Variants in TPRX1 observed in about 807,000 individuals in gnomAD.
The protein encoded by TPRX1 is tetrapeptide repeat homeobox 1, also known as tetra-peptide repeat homeobox protein 1.
A neutral mutation model predicts 8.1 loss-of-function variants in TPRX1; 2 were observed. The ratio of observed to expected loss-of-function variants is 0.25; its 90% CI spans 0.10 to 0.78. TPRX1 has a LOEUF of 0.78. TPRX1 is among the 30% of genes least tolerant of loss of function. TPRX1 has a pLI of 0.70. For missense variants in TPRX1, 517 were observed against 586.9 expected, an observed-to-expected ratio of 0.88 and a Z score of 1.23; for synonymous variants, 257 against 254.1, an observed-to-expected ratio of 1.01 and a Z score of -0.11.
rs1967667182 is a variant in TPRX1, at chr19:47,801,879, C to T, written c.1423G>A (p.Gly475Arg). The stretch of plus-strand genomic sequence containing the variant: ...TGTTTTTTGCCCATAGAGTCATCCC[C>T]TTCTTGGTACTGAGAGGTCATGGTG... Residue 475 changes from glycine to arginine, a missense_variant, in exon 4 of 4, where the codon GGG becomes AGG. By Grantham distance (125) the Gly-to-Arg change is moderately radical. Around this residue, in one of 3 missense-constraint regions of TPRX1, gnomAD observed 506 missense variants for 515.5 expected, o/e 0.98. Transcript: ENST00000535759. 6 of 1,614,074 alleles carry T rather than the reference C, an allele frequency of 3.7e-6. No individual in the cohort carries two copies. In the South Asian group the frequency reaches 4.4e-5, roughly 12 times the overall value.
chr19:47,817,531 A>T (rs1310357614), intron 2 of TPRX1, among the ~76,000 whole-genome samples: 2 of 152,148 alleles, frequency 1.3e-5, no homozygotes, highest in African/African-American at 2.4e-5. Context: ...TGAGGCTGAG[A>T]GAGGTTTCGT....
At chr19:47,813,165 C>T (rs1043000945) in intron 2 of TPRX1, among the ~76,000 whole-genome samples, 3 of 130,902 alleles carry the variant, frequency 2.3e-5, no homozygotes, top group South Asian at 2.5e-4. Flanking sequence ...CAACCCCCCC[C>T]ACCCCGCCAA....
At chr19:47,808,922 T>C (rs1393094603) in intron 2 of TPRX1, among the ~76,000 whole-genome samples, 1 of 152,208 alleles carries the variant, frequency 6.6e-6, no homozygotes, top group Non-Finnish European at 1.5e-5. Context: ...AGCCTCAGAC[T>C]ATGGAATGCT....
intron 2 of TPRX1, among the ~76,000 whole-genome samples, chr19:47,805,440 G>T (rs1197555978): frequency 1.3e-5 from 2 of 152,156 alleles, no homozygotes; most frequent in Admixed American, 6.6e-5. Context: ...GGTCTACAGA[G>T]ATCGGATCCC....
intron 2 of TPRX1, among the ~76,000 whole-genome samples, chr19:47,813,857 C>T (rs147960852): frequency 9.6e-4 from 144 of 150,634 alleles, no homozygotes; most frequent in Admixed American, 2.5e-3. Flanking sequence ...GTGAGAGAGG[C>T]GTCGCTGGGG....
intron 3 of TPRX1, 141 bp from the exon 3 acceptor site, chr19:47,803,121 G>A: frequency 2.1e-6 from 2 of 962,964 alleles, no homozygotes; most frequent in Non-Finnish European, 3.0e-6. Flanking sequence ...AGAGGGCCCC[G>A]GCTCCAAGGC....
chr19:47,810,254 CAAAAAAAAAAA>C (rs767070353), intron 2 of TPRX1, among the ~76,000 whole-genome samples: 1 of 21,394 alleles, frequency 4.7e-5, no homozygotes, highest in Non-Finnish European at 8.2e-5. Context: ...GACTCCATCT[CAAAAAAAAAAA>C]AAAAAAAAAA....
rs373618845 is a variant in TPRX1, at chr19:47,818,015, T to C, written c.151+453A>G. On this transcript the variant is annotated intron_variant, in intron 2 of 3. Transcript: ENST00000535759. Reference sequence around the variant, plus strand: ...AGGGATTCATGGCACAGTTAGAGCCTGAATGAATTAACTCAGGAACAATAT... The same window carrying C: ...AGGGATTCATGGCACAGTTAGAGCCCGAATGAATTAACTCAGGAACAATAT... Among the ~76,000 whole-genome samples, 89 of 152,308 alleles carry C rather than the reference T, an allele frequency of 5.8e-4. 1 individual carries two copies. The highest frequency in any genetic ancestry group is 1.9e-3 in the African/African-American group (80 of 41,580).
intron 2 of TPRX1, among the ~76,000 whole-genome samples, chr19:47,807,202 G>A (rs1046424915): frequency 6.6e-6 from 1 of 151,732 alleles, no homozygotes; most frequent in Non-Finnish European, 1.5e-5. Context: ...CACCGCGCCC[G>A]GCCAAAACCA....
chr19:47,815,598 C>A (rs1228806153), intron 2 of TPRX1, among the ~76,000 whole-genome samples: 21 of 136,330 alleles, frequency 1.5e-4, no homozygotes, highest in Non-Finnish European at 1.4e-4. Context: ...CACTTGAGAT[C>A]AGGAGGTTGA....
chr19:47,805,812 A>C (rs1192006605), intron 2 of TPRX1, among the ~76,000 whole-genome samples: 1 of 152,242 alleles, frequency 6.6e-6, no homozygotes, highest in Non-Finnish European at 1.5e-5. Context: ...GAACAAGCTC[A>C]CTGGTACTAT....
chr19:47,817,150 T>C (rs1967851452), intron 2 of TPRX1, among the ~76,000 whole-genome samples: 1 of 152,148 alleles, frequency 6.6e-6, no homozygotes, highest in African/African-American at 2.4e-5. Context: ...CACCTTGTGG[T>C]GCAGACACAC....
At chr19:47,801,434 C>A in exon 4 of TPRX1, 1 of 224,790 alleles carries the variant, frequency 4.4e-6, no homozygotes, top group Non-Finnish European at 8.6e-6. Context: ...GATCGACAAA[C>A]ATTAAAAAGT....
intron 2 of TPRX1, among the ~76,000 whole-genome samples, chr19:47,816,817 C>T (rs1018935804): frequency 1.2e-4 from 19 of 152,188 alleles, no homozygotes; most frequent in Admixed American, 3.9e-4. Context: ...CAGGCGTGAG[C>T]CACCACGCCC....
intron 2 of TPRX1, among the ~76,000 whole-genome samples, chr19:47,807,025 C>T (rs1237308899): frequency 6.6e-6 from 1 of 151,950 alleles, no homozygotes; most frequent in Non-Finnish European, 1.5e-5. Context: ...CTGCCTCAGT[C>T]GCCCAAGTAG....
exon 4 of TPRX1, chr19:47,802,967 T>C (rs1256039601): frequency 2.6e-6 from 4 of 1,553,158 alleles, no homozygotes; most frequent in Non-Finnish European, 3.5e-6. Context: ...GGCGCGGCGA[T>C]TCTTGAACCA....
chr19:47,805,549 G>C (rs554528468), intron 2 of TPRX1, among the ~76,000 whole-genome samples: 6 of 152,138 alleles, frequency 3.9e-5, no homozygotes, highest in Non-Finnish European at 8.8e-5. Context: ...CAAGGCTCAT[G>C]GTGCAGGGAA....
chr19:47,815,137 TATATATGCAAATATATATATATATA>T (rs1967824944), intron 2 of TPRX1, among the ~76,000 whole-genome samples: 1 of 111,732 alleles, frequency 8.9e-6, no homozygotes, highest in African/African-American at 3.6e-5. Flanking sequence ...TATATATATA[TATATATGCAAATATATATATATATA>T]TTTTTTTTTT....
At chr19:47,818,791 C>T (rs1369833721) in intron 1 of TPRX1, among the ~76,000 whole-genome samples, 1 of 152,116 alleles carries the variant, frequency 6.6e-6, no homozygotes, top group African/African-American at 2.4e-5. Flanking sequence ...ATGTGCACAA[C>T]GTGCAGGTTT....
Sources: gnomAD v4.1 joint callset for allele counts (sites outside exome capture counted in the v4.1 genomes callset) on GRCh38, gnomAD v4.1.1 for gene constraint, gnomAD v4.1.1 regional missense constraint, MANE v1.5 for transcripts, NCBI Gene and HGNC (gene_info 2026-07-23, HGNC 2026-07-21) for gene names.